LPAR5: variants seen among roughly 807,000 people sequenced by gnomAD.
LPAR5 encodes lysophosphatidic acid receptor 5.
For synonymous variants in LPAR5, 271 were observed against 261.6 expected (o/e 1.04, Z -0.35); for missense variants, 544 against 521.8 (o/e 1.04, Z -0.41).
chr12:6,631,007 G>A (rs1481783590), intron 1 of LPAR5, among the ~76,000 whole-genome samples: 4 of 152,214 alleles, frequency 2.6e-5, no homozygotes, highest in Admixed American at 2.6e-4. Flanking sequence ...GTGTTGGGGA[G>A]GGGCAGCCCA....
Position 6,622,283 on chromosome 12 carries a change from C to G in LPAR5, c.-216-819G>C, listed in dbSNP as rs1469108052. Among the ~76,000 whole-genome samples, 6 of 151,050 alleles carry G rather than the reference C, an allele frequency of 4.0e-5. No individual in the cohort carries two copies. In the East Asian group the frequency reaches 1.2e-3, roughly 29 times the overall value. ...TACTAAAAAAAATACCAAAAATTAGCCTGGCATAGGGGCGGGCGCCTGTAA... is the reference window on the plus strand; with the variant it reads ...TACTAAAAAAAATACCAAAAATTAGGCTGGCATAGGGGCGGGCGCCTGTAA... On this transcript the variant is annotated intron_variant, in intron 1 of 1. Coordinates refer to ENST00000329858, the MANE Select transcript of LPAR5 (RefSeq NM_020400.6).
intron 1 of LPAR5, among the ~76,000 whole-genome samples, chr12:6,625,401 G>A (rs1487037525): frequency 3.5e-5 from 5 of 143,212 alleles, no homozygotes; most frequent in South Asian, 4.6e-4. Flanking sequence ...CGCCAGCCTG[G>A]GCAACAGAGA....
At chr12:6,627,390 G>A (rs1948949284) in intron 1 of LPAR5, among the ~76,000 whole-genome samples, 1 of 152,136 alleles carries the variant, frequency 6.6e-6, no homozygotes, top group African/African-American at 2.4e-5. Context: ...AGGAGTTCGA[G>A]ACCAGCCTGG....
Position 6,620,266 on chromosome 12 carries a change from G to A in LPAR5, c.983C>T (p.Ala328Val). 6.2e-6 allele frequency: 10 copies of A among 1,606,378 alleles called. No homozygotes were observed. Among genetic ancestry groups the A allele is most frequent in the Non-Finnish European group, 8.5e-6 (10 of 1,176,448 alleles). ...GGCGGACCTTTCGGATTGCGCGAGC[G>A]CCGCCCGCGTCCCGTTGGTGGCCGA... Reference protein sequence around the residue: ...RTSATNGTRAALAQSERSAVT... With the variant: ...RTSATNGTRAVLAQSERSAVT... The change falls in exon 2 of 2, where the codon GCG (alanine) becomes GTG (valine). Residue 328 changes from alanine to valine, a missense_variant. By Grantham distance (64) the Ala-to-Val change is moderately conservative (BLOSUM62 0). Coordinates refer to ENST00000329858, the MANE Select transcript of LPAR5 (RefSeq NM_020400.6). The surrounding 1 kb of genome is among the most constrained non-coding windows in gnomAD (Gnocchi z 6.8).
chr12:6,620,752 C>T lies in LPAR5; in HGVS notation c.497G>A (p.Arg166His). ...AARVHRPSRCRYRDLEVRLCF... is the reference protein window; with the variant it reads ...AARVHRPSRCHYRDLEVRLCF... ...TAGGCGCACCTCGAGGTCCCGGTAG[C>T]GGCAACGCGAGGGCCTGTGCACGCG... Residue 166 changes from arginine to histidine, a missense_variant, in exon 2 of 2, where the codon CGC becomes CAC. Coordinates refer to ENST00000329858, the MANE Select transcript of LPAR5 (RefSeq NM_020400.6). The surrounding 1 kb of genome is among the most constrained non-coding windows in gnomAD (Gnocchi z 6.8). The T allele has an allele frequency of 3.8e-6, 6 of 1,592,134 alleles. No individual in the cohort carries two copies. Among genetic ancestry groups the T allele is most frequent in the Non-Finnish European group, 5.1e-6 (6 of 1,169,822 alleles).
At chr12:6,631,772 G>A (rs954932114) in intron 1 of LPAR5, 5 of 152,202 alleles carry the variant, frequency 3.3e-5, no homozygotes, top group African/African-American at 9.7e-5. Context: ...ACCCTGCCCT[G>A]GTATCCAGCC....
chr12:6,625,290 T>C (rs965172776), intron 1 of LPAR5, among the ~76,000 whole-genome samples: 2 of 149,076 alleles, frequency 1.3e-5, no homozygotes, highest in Non-Finnish European at 3.0e-5. Context: ...CCGGGCGTGG[T>C]GGCAGGCGCC....
At chr12:6,623,192 C>G (rs765714332) in intron 1 of LPAR5, among the ~76,000 whole-genome samples, 1 of 151,652 alleles carries the variant, frequency 6.6e-6, no homozygotes. Context: ...GAGCTGACAT[C>G]GTACCACTGC....
Position 6,621,089 on chromosome 12 carries a change from G to A in LPAR5, c.160C>T (p.His54Tyr). The change falls in exon 2 of 2, where the codon CAC becomes TAC. Residue 54 changes from histidine to tyrosine, a missense_variant. Coordinates refer to ENST00000329858, the MANE Select transcript of LPAR5 (RefSeq NM_020400.6). ...LWVFLRALRV[H>Y]SVVSVYMCNL... ...CACATGTACACGCTCACCACCGAGT[G>A]CACGCGCAGCGCGCGCAGGAAGACC... The A allele has an allele frequency of 6.2e-7, 1 of 1,602,940 alleles. No individual in the cohort carries two copies. Among genetic ancestry groups the A allele is most frequent in the Non-Finnish European group, 8.5e-7 (1 of 1,173,780 alleles).
rs896351278 is a variant in LPAR5, at chr12:6,620,155, T to G, written c.1094A>C (p.Gln365Pro). The G allele has an allele frequency of 1.9e-6, 3 of 1,613,370 alleles. No individual in the cohort carries two copies. The highest frequency in any genetic ancestry group is 2.5e-6 in the Non-Finnish European group (3 of 1,179,544). Residue 365 changes from glutamine (Q) to proline (P), a missense_variant, in exon 2 of 2, where the codon CAG becomes CCG. Coordinates refer to ENST00000329858, the MANE Select transcript of LPAR5 (RefSeq NM_020400.6). This position sits in a 1 kb window ranked among gnomAD's most constrained non-coding sequence, Gnocchi z 6.8. Reference sequence around the variant, plus strand: ...TCAGAGGGCGGAATCCTGGGGACACTGTGTGAAGGAAGACAGAGAGTGGGA... The same window carrying G: ...TCAGAGGGCGGAATCCTGGGGACACGGTGTGAAGGAAGACAGAGAGTGGGA... ...SDSHSLSSFT[Q>P]CPQDSAL
intron 1 of LPAR5, among the ~76,000 whole-genome samples, chr12:6,634,238 C>T (rs1450006512): frequency 2.0e-5 from 3 of 152,130 alleles, no homozygotes; most frequent in Admixed American, 1.3e-4. Flanking sequence ...ATCTCTTGAC[C>T]TTGTGATCTG....
chr12:6,628,015 C>CT (rs1555076532), intron 1 of LPAR5, among the ~76,000 whole-genome samples: 6 of 82,716 alleles, frequency 7.3e-5, no homozygotes, highest in East Asian at 7.6e-4. Flanking sequence ...TCATTCTTTT[C>CT]TTTTTCTTTT....
chr12:6,633,246 G>A (rs1948991817), intron 1 of LPAR5, among the ~76,000 whole-genome samples: 1 of 152,158 alleles, frequency 6.6e-6, no homozygotes, highest in South Asian at 2.1e-4. Context: ...CCCCTGACCT[G>A]TGTCCTGAGG....
In LPAR5 at chr12:6,620,866, C is replaced by G. The variant is rs1391656952; in HGVS notation, c.383G>C (p.Arg128Pro). The G allele has an allele frequency of 7.0e-6, 11 of 1,568,018 alleles. No individual in the cohort carries two copies. The highest frequency in any genetic ancestry group is 9.5e-6 in the Non-Finnish European group (11 of 1,156,260). Reference protein sequence around the residue: ...DRYAAIVHPLRLRHLRRPRVA... With the variant: ...DRYAAIVHPLPLRHLRRPRVA... ...GCGGGGCCGCCGCAGGTGGCGCAGT[C>G]GCAGCGGGTGCACGATGGCGGCGTA... Residue 128 changes from arginine (R) to proline (P), a missense_variant, in exon 2 of 2, where the codon CGA becomes CCA. Coordinates refer to ENST00000329858, the MANE Select transcript of LPAR5 (RefSeq NM_020400.6). The surrounding 1 kb of genome is among the most constrained non-coding windows in gnomAD (Gnocchi z 6.8).
rs779617530 is a variant in LPAR5, at chr12:6,621,006, G to A, written c.243C>T (p.Tyr81=). 1 of 1,613,112 alleles carries A rather than the reference G, an allele frequency of 6.2e-7. No homozygotes were observed. Among genetic ancestry groups the A allele is most frequent in the Non-Finnish European group, 8.5e-7 (1 of 1,179,474 alleles). The change falls in exon 2 of 2, where the codon TAC becomes TAT. Residue 81 remains tyrosine (Y), a synonymous_variant. Coordinates refer to ENST00000329858, the MANE Select transcript of LPAR5 (RefSeq NM_020400.6). ...FTLSLPVRLS[Y]YALHHWPFPD... ...GGAAGGGCCAGTGGTGCAGTGCGTA[G>A]TAGGAGAGACGAACGGGCAGCGAGA... is the stretch of plus-strand genomic sequence containing the variant.
intron 1 of LPAR5, among the ~76,000 whole-genome samples, chr12:6,635,389 G>C (rs1949003418): frequency 6.6e-6 from 1 of 152,178 alleles, no homozygotes; most frequent in Non-Finnish European, 1.5e-5. Context: ...ACTTCCTGAA[G>C]ACCCCATTAC....
In LPAR5 at chr12:6,619,874, G is replaced by T. The variant is rs1359456677; in HGVS notation, c.*256C>A. On this transcript the variant is annotated 3_prime_UTR_variant, in exon 2 of 2. Transcript: ENST00000329858. ...TTTCGTCCTCTTCTGCCCTCTGCAC[G>T]GGTGGGCTCTCTGCATCACTTCCCA... 7.4e-6 allele frequency: 5 copies of T among 675,514 alleles called. No homozygotes were observed. The highest frequency in any genetic ancestry group is 1.8e-5 in the African/African-American group (1 of 56,638). The allele number at this position is 675,514 out of a possible 1,614,324, so 41.8% of individuals were successfully genotyped here.
At position 6,632,841 on chromosome 12, in the gene LPAR5, G is replaced by C. The variant is rs138281349; in HGVS notation, c.-217+3066C>G. On this transcript the variant is annotated intron_variant, in intron 1 of 1. Transcript: ENST00000329858. Reference sequence around the variant, plus strand: ...AGGGTGGGCGGGGAGGCCTCCTTCTGCCCAGGGGCCACATTCTTCCTCAGA... The same window carrying C: ...AGGGTGGGCGGGGAGGCCTCCTTCTCCCCAGGGGCCACATTCTTCCTCAGA... 2.2e-3 allele frequency among the ~76,000 whole-genome samples: 335 copies of C among 152,280 alleles called. 4 individuals carry two copies. Among genetic ancestry groups the C allele is most frequent in the African/African-American group, 7.3e-3 (302 of 41,568 alleles).
intron 1 of LPAR5, among the ~76,000 whole-genome samples, chr12:6,625,494 G>C (rs1464452358): frequency 6.6e-6 from 1 of 151,360 alleles, no homozygotes; most frequent in African/African-American, 2.4e-5. Context: ...GGCCAAGGCG[G>C]GCGGATCACA....
Sources: allele counts gnomAD v4.1 joint callset (sites outside exome capture counted in the v4.1 genomes callset), GRCh38; gene constraint gnomAD v4.1.1; non-coding constraint Gnocchi (gnomAD v3.1); transcripts MANE v1.5; gene names NCBI Gene and HGNC (gene_info 2026-07-23, HGNC 2026-07-21).